KLHDC4: variants seen among roughly 807,000 people sequenced by gnomAD.
KLHDC4 encodes the protein kelch domain containing 4, also known as kelch domain-containing protein 4.
A neutral mutation model predicts 62.4 loss-of-function variants in KLHDC4; 90 were observed. The observed-to-expected ratio is 1.44, with a 90% CI of 1.22 to 1.72. The LOEUF is 1.72. Among genes scored for constraint, KLHDC4 ranks in the 40% most tolerant of loss-of-function variants. The pLI, the probability that KLHDC4 is intolerant of heterozygous loss-of-function variation, is 0.00. For missense variants in KLHDC4, 1,025 were observed against 699.7 expected, an observed-to-expected ratio of 1.47 and a Z score of -5.25; for synonymous variants, 386 against 284.4, an observed-to-expected ratio of 1.36 and a Z score of -3.59.
Position 87,765,840 on chromosome 16 carries a change from C to G in KLHDC4, c.51G>C (p.Thr17=), listed in dbSNP as rs2046587704. Residue 17 remains threonine, a synonymous_variant, in exon 1 of 12, where the codon ACG becomes ACC. Coordinates refer to ENST00000270583, the MANE Select transcript of KLHDC4 (RefSeq NM_017566.4). ...ACACCTTCTTCTCCATCTTGGCGGCCGTCTTCTCCGCGCCGCGGCCCTTCT... is the reference window on the plus strand; with the variant it reads ...ACACCTTCTTCTCCATCTTGGCGGCGGTCTTCTCCGCGCCGCGGCCCTTCT... ...KEKKGRGAEK[T]AAKMEKKVSK... is the part of the protein sequence containing the mutation. 5 of 1,557,498 alleles carry G rather than the reference C, an allele frequency of 3.2e-6. No homozygotes were observed. The highest frequency in any genetic ancestry group is 4.3e-6 in the Non-Finnish European group (5 of 1,150,028).
At position 87,756,145 on chromosome 16, in the gene KLHDC4, C is replaced by T. The variant is rs564719745; in HGVS notation, c.270+254G>A. The stretch of plus-strand genomic sequence containing the variant: ...ACAACCACAAAGAGGGGTGCGCCCG[C>T]CAAGAGTGATGACGGCAGAGCTGGG... On this transcript the variant is annotated intron_variant, in intron 3 of 11. Coordinates refer to ENST00000270583, the MANE Select transcript of KLHDC4 (RefSeq NM_017566.4). 6 of 339,600 alleles carry T rather than the reference C, an allele frequency of 1.8e-5. No homozygotes were observed. In the South Asian group the frequency reaches 3.1e-4, roughly 17 times the overall value. 21.0% of individuals were successfully genotyped at this position (339,600 alleles called of 1,614,324 possible).
At chr16:87,757,877 G>C (rs1177570531) in intron 2 of KLHDC4, among the ~76,000 whole-genome samples, 1 of 152,094 alleles carries the variant, frequency 6.6e-6, no homozygotes, top group African/African-American at 2.4e-5. Flanking sequence ...GGGAGACAGA[G>C]CAAGACTGTC....
intron 5 of KLHDC4, among the ~76,000 whole-genome samples, chr16:87,743,929 T>G (rs1216180390): frequency 6.6e-6 from 1 of 151,906 alleles, no homozygotes; most frequent in Non-Finnish European, 1.5e-5. Context: ...TGTCACTGCC[T>G]AAATGCGATT....
chr16:87,732,578 CAT>C (rs1334757617), intron 5 of KLHDC4, among the ~76,000 whole-genome samples: 1 of 152,178 alleles, frequency 6.6e-6, no homozygotes, highest in Non-Finnish European at 1.5e-5. Context: ...ACAAATAACA[CAT>C]AAATAACTAC....
intron 5 of KLHDC4, among the ~76,000 whole-genome samples, chr16:87,735,696 C>G (rs991536128): frequency 1.3e-5 from 2 of 152,242 alleles, no homozygotes; most frequent in African/African-American, 4.8e-5. Context: ...CAACAGGCTT[C>G]TCAAAACTGC....
chr16:87,765,939 GC>G lies in KLHDC4; in HGVS notation c.-50del. On this transcript the variant is annotated 5_prime_UTR_variant, in exon 1 of 12. Transcript: ENST00000270583. ...GGGACACCAGGAAAGAAAACGGCCC[GC>G]GCTCTCCGCTCGGAAACAGGTGCTC... The G allele has an allele frequency of 6.6e-7, 1 of 1,519,504 alleles. No individual in the cohort carries two copies. The allele number at this position is 1,519,504 out of a possible 1,614,324, so 94.1% of individuals were successfully genotyped here. A position where few individuals can be genotyped will look rare whatever the true frequency, so the allele number is the denominator to read the frequency against.
At chr16:87,715,957 G>A (rs1240883828) in intron 7 of KLHDC4, among the ~76,000 whole-genome samples, 1 of 152,198 alleles carries the variant, frequency 6.6e-6, no homozygotes, top group African/African-American at 2.4e-5. Flanking sequence ...CAGGCTTTGG[G>A]CACGCTCTGT....
chr16:87,746,878 T>A (rs1046887552), intron 5 of KLHDC4, among the ~76,000 whole-genome samples: 1 of 152,180 alleles, frequency 6.6e-6, no homozygotes, highest in Admixed American at 6.5e-5. Flanking sequence ...TAGCAAGCAT[T>A]CGAGGAATGA....
intron 1 of KLHDC4, among the ~76,000 whole-genome samples, 179 bp downstream of exon 1, chr16:87,765,613 G>T (rs555641166): frequency 6.6e-6 from 1 of 152,106 alleles, no homozygotes; most frequent in African/African-American, 2.4e-5. Context: ...GACTCAGGAG[G>T]GGGCGGGCCC....
chr16:87,747,286 G>C (rs1212568178), intron 5 of KLHDC4, among the ~76,000 whole-genome samples: 3 of 152,126 alleles, frequency 2.0e-5, no homozygotes, highest in Admixed American at 6.6e-5. Context: ...TGTCAATTGT[G>C]AACAAGAGAT....
At chr16:87,738,553 TCATCCACACACCAGCACCTCATC>T (rs2041744624) in intron 5 of KLHDC4, among the ~76,000 whole-genome samples, 5 of 149,318 alleles carry the variant, frequency 3.3e-5, no homozygotes, top group East Asian at 2.0e-4. Flanking sequence ...CACCAGCACC[TCATCCACACACCAGCACCTCATC>T]CATCCACACA....
intron 4 of KLHDC4, among the ~76,000 whole-genome samples, chr16:87,752,898 G>C (rs1488251328): frequency 6.6e-6 from 1 of 152,140 alleles, no homozygotes; most frequent in African/African-American, 2.4e-5. Context: ...CATCAACAAG[G>C]AAAAAACCAG....
chr16:87,718,965 G>C (rs1487122218), intron 7 of KLHDC4, among the ~76,000 whole-genome samples: 1 of 151,476 alleles, frequency 6.6e-6, no homozygotes, highest in African/African-American at 2.4e-5. Context: ...CCCGGTCTGA[G>C]AAGTGAGGAG....
At chr16:87,732,676 T>C (rs551419945) in intron 5 of KLHDC4, among the ~76,000 whole-genome samples, 16 of 152,390 alleles carry the variant, frequency 1.0e-4, no homozygotes, top group Non-Finnish European at 5.9e-5. Flanking sequence ...GTTTAAGAAT[T>C]AGATTCTTTA....
At chr16:87,761,212 G>A (rs192093314) in intron 2 of KLHDC4, among the ~76,000 whole-genome samples, 140 of 152,294 alleles carry the variant, frequency 9.2e-4, no homozygotes, top group African/African-American at 3.2e-3. Context: ...GCTGATCACC[G>A]TGCTCCTCCC....
downstream of KLHDC4, among the ~76,000 whole-genome samples, chr16:87,706,273 G>A (rs1178287552): frequency 8.0e-6 from 1 of 125,722 alleles, no homozygotes; most frequent in African/African-American, 3.0e-5. Context: ...TGAGGGGGTC[G>A]GTGGCGGGGA....
Position 87,709,433 on chromosome 16 carries a change from G to C in KLHDC4, c.1279C>G (p.Pro427Ala). Residue 427 changes from proline to alanine, a missense_variant, in exon 10 of 12, where the codon CCT becomes GCT. Pro to Ala is a conservative substitution (Grantham distance 27). Coordinates refer to ENST00000270583, the MANE Select transcript of KLHDC4 (RefSeq NM_017566.4). ...GCGTTGGAGCGTGGACACGGCCCAGGTGCGGGGCTGCCGGCCTCCTCAAGG... is the reference window on the plus strand; with the variant it reads ...GCGTTGGAGCGTGGACACGGCCCAGCTGCGGGGCTGCCGGCCTCCTCAAGG... ...DSLEEAGSPA[P>A]GPCPRSNAML... The C allele has an allele frequency of 1.9e-6, 3 of 1,612,726 alleles. No homozygotes were observed. Among genetic ancestry groups the C allele is most frequent in the Non-Finnish European group, 1.7e-6 (2 of 1,179,914 alleles).
At chr16:87,719,495 T>C in intron 7 of KLHDC4, among the ~76,000 whole-genome samples, 1 of 152,010 alleles carries the variant, frequency 6.6e-6, no homozygotes, top group Non-Finnish European at 1.5e-5. Flanking sequence ...TCATCACCAC[T>C]CCCTAATCTC....
In KLHDC4 at chr16:87,709,435, G is replaced by A. The variant is rs932225370; in HGVS notation, c.1277C>T (p.Ala426Val). Residue 426 changes from alanine (A) to valine (V), a missense_variant, in exon 10 of 12, where the codon GCA becomes GTA. By Grantham distance (64) the Ala-to-Val change is moderately conservative (BLOSUM62 0). Transcript: ENST00000270583. ...GTTGGAGCGTGGACACGGCCCAGGT[G>A]CGGGGCTGCCGGCCTCCTCAAGGCT... ...EDSLEEAGSP[A>V]PGPCPRSNAM... 2 of 1,612,746 alleles carry A rather than the reference G, an allele frequency of 1.2e-6. No individual in the cohort carries two copies. Among genetic ancestry groups the A allele is most frequent in the Non-Finnish European group, 1.7e-6 (2 of 1,179,930 alleles).
Sources: gnomAD v4.1 joint callset for allele counts (sites outside exome capture counted in the v4.1 genomes callset) on GRCh38, gnomAD v4.1.1 for gene constraint, MANE v1.5 for transcripts, NCBI Gene and HGNC (gene_info 2026-07-23, HGNC 2026-07-21) for gene names.